The following TENM4 variants were observed in gnomAD, a reference collection of about 807,000 sequenced individuals.
TENM4 encodes teneurin transmembrane protein 4.
TENM4 carries 82 observed loss-of-function variants against 243.3 expected under a neutral mutation model. The observed-to-expected ratio is 0.34, with a 90% confidence interval of 0.28 to 0.40. TENM4 has a LOEUF of 0.40. TENM4 is among the 10% of genes least tolerant of loss of function. TENM4 has a pLI of 1.00. For synonymous variants in TENM4, 1,412 were observed against 1,456.3 expected (o/e 0.97, Z 0.69); for missense variants, 3,138 against 3,673.3 (o/e 0.85, Z 3.77).
At chr11:78,959,663 C>T (rs986154410) in intron 6 of TENM4, among the ~76,000 whole-genome samples, 1 of 152,134 alleles carries the variant, frequency 6.6e-6, no homozygotes, top group Admixed American at 6.5e-5. Flanking sequence ...AGAGCAAGGG[C>T]CTGGGGAAGG....
At chr11:79,379,104 C>T (rs188990701) in intron 1 of TENM4, among the ~76,000 whole-genome samples, 114 of 152,182 alleles carry the variant, frequency 7.5e-4, no homozygotes, top group African/African-American at 2.7e-3. Flanking sequence ...GAGACAGGCC[C>T]AGGGGAAGGC....
intron 12 of TENM4, among the ~76,000 whole-genome samples, chr11:78,829,411 A>C (rs1277071726): frequency 6.6e-6 from 1 of 152,116 alleles, no homozygotes; most frequent in Admixed American, 6.5e-5. Flanking sequence ...TTCCTCACTT[A>C]TCTGTTTCAT....
chr11:79,361,032 A>C (rs1857579543), intron 1 of TENM4, among the ~76,000 whole-genome samples: 1 of 152,170 alleles, frequency 6.6e-6, no homozygotes, highest in South Asian at 2.1e-4. Flanking sequence ...AACCTGTGAC[A>C]ATGTAGTGAG....
chr11:78,747,320 C>T (rs1184240813), intron 19 of TENM4, among the ~76,000 whole-genome samples: 1 of 152,154 alleles, frequency 6.6e-6, no homozygotes, highest in Non-Finnish European at 1.5e-5. Flanking sequence ...CCTTTGGTGC[C>T]AGGGCACTAG....
intron 2 of TENM4, among the ~76,000 whole-genome samples, chr11:79,228,553 G>A (rs571200020): frequency 2.0e-5 from 3 of 151,978 alleles, no homozygotes; most frequent in South Asian, 2.1e-4. Context: ...GCCCACCCAC[G>A]CAGACACACG....
At chr11:79,001,016 T>G (rs568893409) in intron 6 of TENM4, among the ~76,000 whole-genome samples, 1 of 152,244 alleles carries the variant, frequency 6.6e-6, no homozygotes, top group Admixed American at 6.5e-5. Flanking sequence ...GGGTGACAAA[T>G]TGAGACTCCA....
intron 10 of TENM4, among the ~76,000 whole-genome samples, chr11:78,859,665 G>T (rs1390058856): frequency 6.6e-6 from 1 of 151,970 alleles, no homozygotes; most frequent in Non-Finnish European, 1.5e-5. Context: ...CACCTTTTTG[G>T]TTCTTTTCAA....
chr11:78,950,923 C>T (rs2136490640), intron 6 of TENM4, among the ~76,000 whole-genome samples: 1 of 152,372 alleles, frequency 6.6e-6, no homozygotes, highest in African/African-American at 2.4e-5. Flanking sequence ...GGCGAAGCCC[C>T]TGGCACACTG....
At chr11:78,664,721 T>C (rs1858109596) in intron 32 of TENM4, among the ~76,000 whole-genome samples, 1 of 152,198 alleles carries the variant, frequency 6.6e-6, no homozygotes, top group Admixed American at 6.5e-5. Context: ...TCATGGCAGA[T>C]GGTTCTTTGG....
At chr11:79,411,229 A>C (rs1311503468) in intron 1 of TENM4, among the ~76,000 whole-genome samples, 1 of 152,176 alleles carries the variant, frequency 6.6e-6, no homozygotes, top group Non-Finnish European at 1.5e-5. Context: ...CTCCCTAGAA[A>C]TCTAGAGGCC....
At chr11:79,390,008 A>G (rs1179200651) in intron 1 of TENM4, among the ~76,000 whole-genome samples, 1 of 152,172 alleles carries the variant, frequency 6.6e-6, no homozygotes, top group Non-Finnish European at 1.5e-5. Context: ...GGACTCTGGC[A>G]GCTGTGTGGG....
At chr11:79,434,508 C>T (rs554470076) in intron 1 of TENM4, among the ~76,000 whole-genome samples, 1 of 152,294 alleles carries the variant, frequency 6.6e-6, no homozygotes, top group African/African-American at 2.4e-5. Flanking sequence ...CGCTGAGGAA[C>T]ATATTTACAT....
At chr11:79,111,303 T>A (rs1165525500) in intron 4 of TENM4, among the ~76,000 whole-genome samples, 2 of 152,168 alleles carry the variant, frequency 1.3e-5, no homozygotes, top group Non-Finnish European at 2.9e-5. Context: ...CCCAGAACTT[T>A]GGGAGGCCGA....
intron 2 of TENM4, among the ~76,000 whole-genome samples, chr11:79,265,889 T>C (rs1855876322): frequency 6.6e-6 from 1 of 152,220 alleles, no homozygotes. Flanking sequence ...ATGGCAACTG[T>C]CTCAGCTCCC....
At position 79,025,260 on chromosome 11, in the gene TENM4, GGAATGAATGAAT is replaced by G. The variant is rs67342343; in HGVS notation, c.493+39466_493+39477del. On this transcript the variant is annotated intron_variant, in intron 6 of 33. Transcript: ENST00000278550. Reference sequence around the variant, plus strand: ...ATCCAGGAAGACTTGGCATAACACTGGAATGAATGAATGAATGAATGAATGAATGAATGAATG... The same window carrying G: ...ATCCAGGAAGACTTGGCATAACACTGGAATGAATGAATGAATGAATGAATG... 4.1e-4 allele frequency among the ~76,000 whole-genome samples: 62 copies of G among 151,022 alleles called. 1 individual carries two copies. The highest frequency in any genetic ancestry group is 1.2e-3 in the African/African-American group (49 of 40,934).
chr11:79,168,336 A>T (rs1266262238), intron 3 of TENM4, among the ~76,000 whole-genome samples: 1 of 152,136 alleles, frequency 6.6e-6, no homozygotes, highest in African/African-American at 2.4e-5. Flanking sequence ...GCTGTGACAC[A>T]GGAAAGCAGA....
At chr11:78,995,816 G>A (rs987099114) in intron 6 of TENM4, among the ~76,000 whole-genome samples, 2 of 151,936 alleles carry the variant, frequency 1.3e-5, no homozygotes, top group African/African-American at 4.8e-5. Context: ...ATCCTGGATT[G>A]ACCATTTTAC....
At chr11:78,920,475 A>C (rs1026292124) in intron 6 of TENM4, among the ~76,000 whole-genome samples, 2 of 152,182 alleles carry the variant, frequency 1.3e-5, no homozygotes, top group Non-Finnish European at 2.9e-5. Context: ...CTGAGCCCGG[A>C]GGCAGGAATA....
intron 2 of TENM4, among the ~76,000 whole-genome samples, chr11:79,263,687 A>T (rs1855835809): frequency 6.6e-6 from 1 of 152,226 alleles, no homozygotes; most frequent in Non-Finnish European, 1.5e-5. Context: ...AATGGAAAGT[A>T]GTAAACATGA....
Sources: allele counts gnomAD v4.1 joint callset (sites outside exome capture counted in the v4.1 genomes callset), GRCh38; gene constraint gnomAD v4.1.1; transcripts MANE v1.5; gene names NCBI Gene and HGNC (gene_info 2026-07-23, HGNC 2026-07-21).